The following RBMS3 variants were observed in gnomAD, a reference collection of about 807,000 sequenced individuals.
The protein encoded by RBMS3 is RNA binding motif single stranded interacting protein 3, also known as RNA-binding motif, single-stranded-interacting protein 3.
A neutral mutation model predicts 66.8 loss-of-function variants in RBMS3; 27 were observed. The ratio of observed to expected loss-of-function variants is 0.40; its 90% confidence interval spans 0.30 to 0.56. The LOEUF (loss-of-function observed/expected upper bound fraction) is 0.56. Among genes scored for constraint, RBMS3 ranks in the 20% least tolerant of loss-of-function variants. The pLI is 0.40. For synonymous variants in RBMS3, 188 were observed against 183.0 expected, an observed-to-expected ratio of 1.03 and a Z score of -0.22; for missense variants, 513 against 549.5, an observed-to-expected ratio of 0.93 and a Z score of 0.66.
intron 1 of RBMS3, among the ~76,000 whole-genome samples, chr3:29,343,580 A>G (rs1170564401): frequency 6.6e-6 from 1 of 151,206 alleles, no homozygotes; most frequent in Admixed American, 6.6e-5. Context: ...CAAATCACAG[A>G]AAAAAAAATG....
At chr3:29,619,927 T>C (rs2048809306) in intron 4 of RBMS3, among the ~76,000 whole-genome samples, 2 of 152,262 alleles carry the variant, frequency 1.3e-5, no homozygotes, top group South Asian at 4.1e-4. Context: ...ATTTTCCTGT[T>C]GAATGTTTTA....
At chr3:29,705,146 C>G (rs2052821718) in intron 4 of RBMS3, among the ~76,000 whole-genome samples, 1 of 152,172 alleles carries the variant, frequency 6.6e-6, no homozygotes, top group Non-Finnish European at 1.5e-5. Context: ...TCCTATTACA[C>G]CTTACCAACC....
At chr3:29,576,914 G>A (rs373894241) in intron 3 of RBMS3, among the ~76,000 whole-genome samples, 1 of 152,190 alleles carries the variant, frequency 6.6e-6, no homozygotes, top group Non-Finnish European at 1.5e-5. Context: ...GTCCAGAAAT[G>A]CTGTCTACTA....
intron 10 of RBMS3, among the ~76,000 whole-genome samples, chr3:29,931,480 A>G (rs985839956): frequency 2.0e-5 from 3 of 152,212 alleles, no homozygotes; most frequent in African/African-American, 7.2e-5. Flanking sequence ...AATTTCAAAC[A>G]TAATTTTTTA....
intron 3 of RBMS3, among the ~76,000 whole-genome samples, chr3:29,531,621 C>T (rs1161908574): frequency 6.6e-6 from 1 of 152,078 alleles, no homozygotes; most frequent in African/African-American, 2.4e-5. Context: ...TCCTTGTTTG[C>T]GGCGTCTGAT....
At chr3:29,507,168 A>ATT (rs1371040452) in intron 3 of RBMS3, among the ~76,000 whole-genome samples, 6 of 151,636 alleles carry the variant, frequency 4.0e-5, no homozygotes, top group Admixed American at 3.3e-4. Context: ...ACATTAGGAT[A>ATT]TCTCTTTACT....
intron 11 of RBMS3, 100 bp from the exon 12 acceptor site, chr3:29,944,107 C>A: frequency 9.4e-7 from 1 of 1,069,240 alleles, no homozygotes; most frequent in Non-Finnish European, 1.4e-6. Context: ...GTCAGGCAAC[C>A]ATATGACACA....
chr3:30,009,364 A>G lies in RBMS3; in HGVS notation c.*5502A>G, dbSNP rs1699893982. On this transcript the variant is annotated 3_prime_UTR_variant, in exon 15 of 15. Transcript: ENST00000383767. ...TTGATTATTTTATTTCTTATAAAGT[A>G]TTAATTTCTTAAGGGGGTTTGAAAT... 6.6e-6 allele frequency: 1 copy of G among 152,166 alleles called. No homozygotes were observed. The highest frequency in any genetic ancestry group is 1.5e-5 in the Non-Finnish European group (1 of 68,018). 9.4% of individuals were successfully genotyped at this position (152,166 alleles called of 1,614,324 possible). A position where few individuals can be genotyped will look rare whatever the true frequency, so the allele number is the denominator to read the frequency against.
At chr3:29,767,729 T>C (rs1450641868) in intron 6 of RBMS3, among the ~76,000 whole-genome samples, 1 of 151,932 alleles carries the variant, frequency 6.6e-6, no homozygotes, top group Non-Finnish European at 1.5e-5. Flanking sequence ...TTGTATAAAC[T>C]TAACATTCCT....
chr3:29,451,003 A>T (rs570532728), intron 2 of RBMS3, among the ~76,000 whole-genome samples: 2 of 152,154 alleles, frequency 1.3e-5, no homozygotes, highest in South Asian at 4.2e-4. Flanking sequence ...ATTTCCTCAA[A>T]GGTAGGCACG....
intron 7 of RBMS3, among the ~76,000 whole-genome samples, chr3:29,872,804 C>A (rs1250411841): frequency 1.3e-5 from 2 of 152,158 alleles, no homozygotes; most frequent in African/African-American, 4.8e-5. Flanking sequence ...CTTCAATTTT[C>A]TGCATATGGT....
At chr3:29,782,403 G>T (rs984021063) in intron 6 of RBMS3, among the ~76,000 whole-genome samples, 3 of 152,172 alleles carry the variant, frequency 2.0e-5, no homozygotes, top group Non-Finnish European at 4.4e-5. Flanking sequence ...TGGGAGCTCC[G>T]CTGGGTGGCT....
chr3:29,394,374 A>G lies in RBMS3; in HGVS notation c.76-40369A>G, dbSNP rs190978337. The stretch of plus-strand genomic sequence containing the variant: ...CCTTTTCAGGGTGCCCAGATTTCAT[A>G]TTGTTCAAACACAAATGTTTTACAA... On this transcript the variant is annotated intron_variant, in intron 1 of 14. Coordinates refer to ENST00000383767, the MANE Select transcript of RBMS3 (RefSeq NM_001003793.3). Among the ~76,000 whole-genome samples, 10 of 152,274 alleles carry G rather than the reference A, an allele frequency of 6.6e-5. No individual in the cohort carries two copies. The East Asian group carries it at 1.5e-3, about 24-fold the overall frequency.
chr3:30,003,413 T>C (rs1039156282), intron 14 of RBMS3, among the ~76,000 whole-genome samples: 1 of 151,934 alleles, frequency 6.6e-6, no homozygotes, highest in African/African-American at 2.4e-5. Flanking sequence ...AGAATAAAAC[T>C]GCATTGGCCT....
intron 3 of RBMS3, among the ~76,000 whole-genome samples, chr3:29,580,306 T>C (rs2047280280): frequency 6.6e-6 from 1 of 152,156 alleles, no homozygotes; most frequent in Non-Finnish European, 1.5e-5. Context: ...ACTCTCTATA[T>C]CTTGTACTTA....
intron 6 of RBMS3, among the ~76,000 whole-genome samples, chr3:29,851,238 A>G (rs1342204523): frequency 6.6e-6 from 1 of 152,122 alleles, no homozygotes; most frequent in Non-Finnish European, 1.5e-5. Flanking sequence ...GTTATATGGG[A>G]TTTAGAATAA....
At chr3:29,803,076 G>T (rs999983901) in intron 6 of RBMS3, among the ~76,000 whole-genome samples, 1 of 152,120 alleles carries the variant, frequency 6.6e-6, no homozygotes, top group East Asian at 1.9e-4. Context: ...CTCACAGCCC[G>T]TTAAGGCAAA....
chr3:29,351,459 G>A (rs2036907176), intron 1 of RBMS3, among the ~76,000 whole-genome samples: 1 of 151,980 alleles, frequency 6.6e-6, no homozygotes, highest in Non-Finnish European at 1.5e-5. Flanking sequence ...AATCTGAACT[G>A]TGAAAAACAC....
At chr3:29,283,571 A>G (rs549181982) in intron 1 of RBMS3, among the ~76,000 whole-genome samples, 107 of 152,166 alleles carry the variant, frequency 7.0e-4, no homozygotes, top group African/African-American at 2.2e-3. Context: ...TTGGAGTTCT[A>G]TGTAGTTTAG....
Sources: gnomAD v4.1 joint callset for allele counts (sites outside exome capture counted in the v4.1 genomes callset) on GRCh38, gnomAD v4.1.1 for gene constraint, MANE v1.5 for transcripts, NCBI Gene and HGNC (gene_info 2026-07-23, HGNC 2026-07-21) for gene names.